MAG: variants seen among roughly 807,000 people sequenced by gnomAD.
MAG encodes myelin-associated glycoprotein.
MAG carries 30 observed loss-of-function variants against 60.7 expected under a neutral mutation model. The ratio of observed to expected loss-of-function variants is 0.49; its 90% CI spans 0.37 to 0.67. MAG has a LOEUF of 0.67. Ranked by LOEUF, MAG falls within the 30% of genes least tolerant of loss-of-function variation. The probability of loss-of-function intolerance (pLI) is 0.00; values close to 1 mark genes in which losing one functional copy is unlikely to be tolerated. For synonymous variants in MAG, 384 were observed against 376.8 expected (o/e 1.02, Z -0.22); for missense variants, 795 against 851.7 (o/e 0.93, Z 0.83).
Position 35,309,972 on chromosome 19 carries a change from T to G in MAG, c.1330T>G (p.Phe444Val). The change falls in exon 8 of 11, where the codon TTT (phenylalanine) becomes GTT (valine). Residue 444 changes from phenylalanine to valine, a missense_variant. Transcript: ENST00000392213. The part of the protein sequence containing the change: ...VKSNPEPSVA[F>V]ELPSRNVTVN... ...GTCCAACCCGGAGCCGTCCGTGGCC[T>G]TTGAGCTGCCATCGCGCAATGTGAC... is the stretch of plus-strand genomic sequence containing the variant. The G allele has an allele frequency of 6.2e-7, 1 of 1,614,024 alleles. No homozygotes were observed. The highest frequency in any genetic ancestry group is 8.5e-7 in the Non-Finnish European group (1 of 1,179,926).
intron 7 of MAG, among the ~76,000 whole-genome samples, chr19:35,307,050 C>A (rs2145621129): frequency 6.6e-6 from 1 of 152,390 alleles, no homozygotes; most frequent in African/African-American, 2.4e-5. Flanking sequence ...CGGCGTTCCG[C>A]CGACATCCAG....
chr19:35,292,327 G>C (rs906027160), intron 1 of MAG, 123 bp downstream of exon 1: 144 of 441,960 alleles, frequency 3.3e-4, no homozygotes, highest in African/African-American at 2.5e-3. Context: ...TACTGATTTA[G>C]GATGCAGGAG....
Position 35,295,352 on chromosome 19 carries a change from C to T in MAG, c.-23-34C>T, listed in dbSNP as rs749821300. 2.5e-6 allele frequency: 4 copies of T among 1,598,070 alleles called. No individual in the cohort carries two copies. The Admixed American group carries it at 5.0e-5, about 20-fold the overall frequency. On this transcript the variant is annotated intron_variant, in intron 2 of 10. Transcript: ENST00000392213. This position sits in a 1 kb window ranked among gnomAD's most constrained non-coding sequence, Gnocchi z 5.8. ...CAGATGGAACACCCCCTTTCACTTC[C>T]CCCAGCCTTTAACCCTCTCCTCTCC...
chr19:35,301,429 CTTTTTTTTTTT>C (rs67343866), intron 6 of MAG, among the ~76,000 whole-genome samples: 3 of 105,738 alleles, frequency 2.8e-5, no homozygotes, highest in African/African-American at 3.7e-5. Flanking sequence ...CTCTTGAGTG[CTTTTTTTTTTT>C]TTTTTTTTTT....
At chr19:35,305,527 AG>A (rs2066477488) in intron 7 of MAG, among the ~76,000 whole-genome samples, 1 of 152,222 alleles carries the variant, frequency 6.6e-6, no homozygotes, top group South Asian at 2.1e-4. Flanking sequence ...CAGTCCCAAC[AG>A]GGCTGAACAG....
chr19:35,295,874 T>G lies in MAG; in HGVS notation c.308T>G (p.Leu103Arg). The change falls in exon 4 of 11, where the codon CTG (leucine) becomes CGG (arginine). Residue 103 changes from leucine (L) to arginine (R), a missense_variant. Transcript: ENST00000392213. This position sits in a 1 kb window ranked among gnomAD's most constrained non-coding sequence, Gnocchi z 5.8. ...CTGGGCCTGCGAAACTGCACCCTCC[T>G]GCTCAGCAACGTCAGCCCCGAGCTG... is the stretch of plus-strand genomic sequence containing the variant. ...GDLGLRNCTLLLSNVSPELGG... is the reference protein window; with the variant it reads ...GDLGLRNCTLRLSNVSPELGG... The G allele has an allele frequency of 1.2e-6, 2 of 1,614,106 alleles. No individual in the cohort carries two copies. The highest frequency in any genetic ancestry group is 1.1e-5 in the South Asian group (1 of 91,088).
intron 7 of MAG, among the ~76,000 whole-genome samples, chr19:35,303,891 T>G (rs1363871435): frequency 6.6e-6 from 1 of 151,936 alleles, no homozygotes; most frequent in Non-Finnish European, 1.5e-5. Flanking sequence ...GAATATCGCC[T>G]TCCTGTTTCC....
chr19:35,304,913 A>G (rs1383618866), intron 7 of MAG, among the ~76,000 whole-genome samples: 1 of 152,178 alleles, frequency 6.6e-6, no homozygotes, highest in Non-Finnish European at 1.5e-5. Flanking sequence ...TTTACCAAGG[A>G]GAAAACTCAA....
chr19:35,312,392 G>A, intron 10 of MAG: 3 of 1,395,644 alleles, frequency 2.1e-6, no homozygotes, highest in South Asian at 1.2e-5. Flanking sequence ...TGGCGTGCAT[G>A]TCCGTGTGTC....
At chr19:35,309,462 GT>G (rs145554166) in intron 7 of MAG, among the ~76,000 whole-genome samples, 11,544 of 152,000 alleles carry the variant, frequency 0.076, 605 homozygotes, top group Non-Finnish European at 0.11. Flanking sequence ...GTTGTTTGGG[GT>G]TTTTTTGAGA....
intron 10 of MAG, 190 bp downstream of exon 10, chr19:35,312,207 G>A (rs963208826): frequency 2.8e-6 from 4 of 1,424,290 alleles, no homozygotes; most frequent in Non-Finnish European, 4.0e-6. Context: ...TGTGTAGGGG[G>A]CGATGGGACG....
At chr19:35,303,175 C>G (rs1054216201) in intron 7 of MAG, among the ~76,000 whole-genome samples, 3 of 152,198 alleles carry the variant, frequency 2.0e-5, no homozygotes, top group Non-Finnish European at 4.4e-5. Flanking sequence ...CTGCCTGCCT[C>G]AGTCTCCCAA....
intron 7 of MAG, among the ~76,000 whole-genome samples, chr19:35,304,548 AT>A (rs535203554): frequency 6.7e-6 from 1 of 148,852 alleles, no homozygotes. Context: ...TATTATTATT[AT>A]TTTTTTTTTG....
chr19:35,295,681 T>C lies in MAG; in HGVS notation c.115T>C (p.Ser39Pro). 6.2e-7 allele frequency: 1 copy of C among 1,612,894 alleles called. No individual in the cohort carries two copies. Among genetic ancestry groups the C allele is most frequent in the Non-Finnish European group, 8.5e-7 (1 of 1,179,970 alleles). The change falls in exon 4 of 11, where the codon TCC becomes CCC. Residue 39 changes from serine to proline, a missense_variant. Ser to Pro is a moderately conservative substitution (Grantham distance 74). Coordinates refer to ENST00000392213, the MANE Select transcript of MAG (RefSeq NM_002361.4). The surrounding 1 kb of genome is among the most constrained non-coding windows in gnomAD (Gnocchi z 5.8). ...SISAFEGTCVSIPCRFDFPDE... is the reference protein window; with the variant it reads ...SISAFEGTCVPIPCRFDFPDE... ...CTCGGCCTTCGAAGGCACGTGCGTCTCCATCCCCTGCCGCTTTGACTTCCC... is the reference window on the plus strand; with the variant it reads ...CTCGGCCTTCGAAGGCACGTGCGTCCCCATCCCCTGCCGCTTTGACTTCCC...
intron 1 of MAG, 80 bp downstream of exon 1, chr19:35,292,284 TG>T (rs1052695553): frequency 2.2e-6 from 1 of 455,546 alleles, no homozygotes; most frequent in African/African-American, 2.0e-5. Flanking sequence ...CAGGGTCAGG[TG>T]CTCTGGGTGA....
chr19:35,312,354 C>A, intron 10 of MAG: 1 of 1,598,424 alleles, frequency 6.3e-7, no homozygotes, highest in Non-Finnish European at 8.5e-7. Context: ...AGTGTGCCCT[C>A]CTCTGGGCCC....
At chr19:35,301,624 G>A (rs1433545896) in intron 6 of MAG, among the ~76,000 whole-genome samples, 1 of 152,002 alleles carries the variant, frequency 6.6e-6, no homozygotes, top group East Asian at 1.9e-4. Flanking sequence ...TAGAGACAGG[G>A]TTTCACCATG....
chr19:35,292,214 G>A lies in MAG; in HGVS notation c.-80+10G>A. ...AAGCAACTGAGTCCAAGTGAGTATG[G>A]TGGCAGGGAGGCCAGGGCAAGGGGA... On this transcript the variant is annotated intron_variant, in intron 1 of 10. Transcript: ENST00000392213. The A allele has an allele frequency of 2.2e-6, 1 of 455,930 alleles. No individual in the cohort carries two copies. Among genetic ancestry groups the A allele is most frequent in the South Asian group, 1.5e-5 (1 of 64,536 alleles). 28.2% of individuals were successfully genotyped at this position (455,930 alleles called of 1,614,324 possible).
intron 7 of MAG, among the ~76,000 whole-genome samples, chr19:35,307,116 G>T (rs2066491442): frequency 6.6e-6 from 1 of 152,252 alleles, no homozygotes; most frequent in African/African-American, 2.4e-5. Context: ...GAAGTGCTTT[G>T]AAAAAGTTTT....
Sources: gnomAD v4.1 joint callset for allele counts (sites outside exome capture counted in the v4.1 genomes callset) on GRCh38, gnomAD v4.1.1 for gene constraint, Gnocchi (gnomAD v3.1) non-coding constraint, MANE v1.5 for transcripts, NCBI Gene and HGNC (gene_info 2026-07-23, HGNC 2026-07-21) for gene names.